TASL: variants seen among roughly 807,000 people sequenced by gnomAD.
The protein encoded by TASL is TLR adapter interacting with SLC15A4 on the lysosome.
Under a neutral mutation model 12.9 loss-of-function variants are expected in TASL, and 6 were observed. The ratio of observed to expected loss-of-function variants is 0.46; its 90% CI spans 0.25 to 0.92. The LOEUF is 0.92. Ranked by LOEUF, TASL falls within the 40% of genes least tolerant of loss-of-function variation. The pLI is 0.17. For synonymous variants in TASL, 85 were observed against 79.3 expected, an observed-to-expected ratio of 1.07 and a Z score of -0.38; for missense variants, 165 against 212.8, an observed-to-expected ratio of 0.78 and a Z score of 1.40.
chrX:30,565,840 G>A (rs764904750), intron 2 of TASL, among the ~76,000 whole-genome samples: 2 of 108,655 alleles, frequency 1.8e-5, no homozygotes, highest in South Asian at 8.0e-4. Context: ...GTGTGATCTC[G>A]GCTCACTGTA....
intron 2 of TASL, among the ~76,000 whole-genome samples, chrX:30,563,447 T>A (rs1930456884): frequency 8.9e-6 from 1 of 112,369 alleles, no homozygotes; most frequent in Admixed American, 9.4e-5. Context: ...TGACTTAAAT[T>A]CCCCTAAATG....
intron 2 of TASL, among the ~76,000 whole-genome samples, chrX:30,565,963 G>T (rs1930491773): frequency 9.2e-6 from 1 of 108,547 alleles, no homozygotes. Flanking sequence ...TAGAGATGAG[G>T]TTTCACCATG....
At chrX:30,569,353 A>G (rs956947677) in intron 2 of TASL, among the ~76,000 whole-genome samples, 1 of 110,964 alleles carries the variant, frequency 9.0e-6, no homozygotes, top group Non-Finnish European at 1.9e-5. Context: ...GAGTGTGGGT[A>G]TGTAGGGGAA....
At position 30,559,900 on chromosome X, in the gene TASL, A is replaced by G; in HGVS notation, c.456T>C (p.Tyr152=). The change falls in exon 3 of 3, where the codon TAT becomes TAC. Residue 152 remains tyrosine, a synonymous_variant. Coordinates refer to ENST00000378962, the MANE Select transcript of TASL (RefSeq NM_025159.3). ...TDFPSESSFE[Y]GPLLKSSEIP... ...TCTCAGATGACTTCAGCAAAGGGCCATATTCAAAACTGCTCTCAGAGGGAA... is the reference window on the plus strand; with the variant it reads ...TCTCAGATGACTTCAGCAAAGGGCCGTATTCAAAACTGCTCTCAGAGGGAA... The G allele has an allele frequency of 8.3e-7, 1 of 1,211,874 alleles. No homozygotes were observed. The highest frequency in any genetic ancestry group is 1.1e-6 in the Non-Finnish European group (1 of 895,384).
rs1346833984 is a variant in TASL at position 30,560,056 on chromosome X, A to T, written c.300T>A (p.Val100=). ...PVFESPNLAA[V]EICRDASRET... ...CTCTGCTGGCATCTCTACATATTTC[A>T]ACTGCAGCCAAGTTTGGGCTTTCAA... The change falls in exon 3 of 3, where the codon GTT becomes GTA. Residue 100 remains valine (V), a synonymous_variant. Transcript: ENST00000378962. 1 of 1,211,470 alleles carries T rather than the reference A, an allele frequency of 8.3e-7. No individual in the cohort carries two copies. The highest frequency in any genetic ancestry group is 3.0e-5 in the East Asian group (1 of 33,848).
intron 2 of TASL, among the ~76,000 whole-genome samples, chrX:30,567,244 C>T (rs1023569617): frequency 9.5e-6 from 1 of 104,732 alleles, no homozygotes; most frequent in Non-Finnish European, 1.9e-5. Flanking sequence ...CCACTGCACT[C>T]CAGGCTGGGC....
intron 2 of TASL, among the ~76,000 whole-genome samples, chrX:30,562,540 A>G (rs1425363205): frequency 9.0e-6 from 1 of 111,602 alleles, no homozygotes; most frequent in Non-Finnish European, 1.9e-5. Context: ...ATAGACTACA[A>G]ACCAGGGACC....
At position 30,559,955 on chromosome X, in the gene TASL, A is replaced by G; in HGVS notation, c.401T>C (p.Val134Ala). The G allele has an allele frequency of 8.3e-7, 1 of 1,210,908 alleles. No homozygotes were observed. Among genetic ancestry groups the G allele is most frequent in the Non-Finnish European group, 1.1e-6 (1 of 894,932 alleles). The change falls in exon 3 of 3, where the codon GTG becomes GCG. Residue 134 changes from valine to alanine, a missense_variant. Transcript: ENST00000378962. Reference protein sequence around the residue: ...YNDLQIAGGQVMAINSVTTDF... With the variant: ...YNDLQIAGGQAMAINSVTTDF... ...TGTTGTCACTGAATTAATGGCCATC[A>G]CCTGGCCCCCTGCAATCTGTAAGTC...
At chrX:30,571,656 A>G (rs1930629630) in intron 2 of TASL, among the ~76,000 whole-genome samples, 1 of 109,766 alleles carries the variant, frequency 9.1e-6, no homozygotes, top group Non-Finnish European at 1.9e-5. Context: ...GCATTACTGC[A>G]CCCTTTAATG....
At chrX:30,564,702 A>AT (rs766208128) in intron 2 of TASL, among the ~76,000 whole-genome samples, 1 of 112,208 alleles carries the variant, frequency 8.9e-6, no homozygotes, top group Admixed American at 9.5e-5. Context: ...CAAATAGCTG[A>AT]TTTTCCAAGC....
intron 2 of TASL, among the ~76,000 whole-genome samples, chrX:30,563,166 GT>G (rs772168387): frequency 5.3e-4 from 59 of 111,243 alleles, no homozygotes; most frequent in Middle Eastern, 4.6e-3. Context: ...CATGGAGGTG[GT>G]TTCCCCCATC....
intron 2 of TASL, among the ~76,000 whole-genome samples, chrX:30,561,564 G>A (rs1159483643): frequency 9.0e-6 from 1 of 111,596 alleles, no homozygotes; most frequent in African/African-American, 3.3e-5. Flanking sequence ...AAGAAAAGAA[G>A]GATTTTTTTA....
At chrX:30,575,182 A>G (rs1930688374) in intron 2 of TASL, among the ~76,000 whole-genome samples, 1 of 111,542 alleles carries the variant, frequency 9.0e-6, no homozygotes, top group East Asian at 2.8e-4. Flanking sequence ...CCATAATTCC[A>G]TTGTAAACTT....
In TASL at chrX:30,559,278, C is replaced by G. The variant is rs1930382002; in HGVS notation, c.*172G>C. On this transcript the variant is annotated 3_prime_UTR_variant, in exon 3 of 3. Coordinates refer to ENST00000378962, the MANE Select transcript of TASL (RefSeq NM_025159.3). ...GGCTCCTCTTACCATATTCCTTCAT[C>G]AAGTGTAATATTATGAGATTTCTCC... 1 of 396,622 alleles carries G rather than the reference C, an allele frequency of 2.5e-6. No homozygotes were observed. Among genetic ancestry groups the G allele is most frequent in the African/African-American group, 2.5e-5 (1 of 40,084 alleles). 32.7% of individuals were successfully genotyped at this position (396,622 alleles called of 1,213,427 possible).
At chrX:30,567,083 G>T (rs1030790389) in intron 2 of TASL, among the ~76,000 whole-genome samples, 8 of 110,580 alleles carry the variant, frequency 7.2e-5, no homozygotes, top group Non-Finnish European at 1.3e-4. Flanking sequence ...AAACCCAGGA[G>T]TTTGAGACCA....
At chrX:30,568,585 G>A (rs932390654) in intron 2 of TASL, among the ~76,000 whole-genome samples, 6 of 110,702 alleles carry the variant, frequency 5.4e-5, no homozygotes, top group South Asian at 3.9e-4. Context: ...CCAGTTTGCC[G>A]AATCCCCCCT....
At chrX:30,564,899 T>G (rs1459857345) in intron 2 of TASL, among the ~76,000 whole-genome samples, 1 of 111,900 alleles carries the variant, frequency 8.9e-6, no homozygotes, top group Non-Finnish European at 1.9e-5. Context: ...CTGGCCCTCC[T>G]TAAGTTGCAC....
intron 2 of TASL, among the ~76,000 whole-genome samples, chrX:30,566,695 G>C (rs980569812): frequency 1.2e-4 from 13 of 111,731 alleles, no homozygotes; most frequent in African/African-American, 4.2e-4. Flanking sequence ...TGGAATGCCT[G>C]TGTGAATTGT....
chrX:30,560,049 A>G lies in TASL; in HGVS notation c.307T>C (p.Cys103Arg), dbSNP rs1315983601. Residue 103 changes from cysteine (C) to arginine (R), a missense_variant, in exon 3 of 3, where the codon TGT becomes CGT. Cys to Arg is a radical substitution (Grantham distance 180, BLOSUM62 -3). Transcript: ENST00000378962. ...ESPNLAAVEI[C>R]RDASRETYLV... Reference sequence around the variant, plus strand: ...TAGGTCTCTCTGCTGGCATCTCTACATATTTCAACTGCAGCCAAGTTTGGG... The same window carrying G: ...TAGGTCTCTCTGCTGGCATCTCTACGTATTTCAACTGCAGCCAAGTTTGGG... The G allele has an allele frequency of 2.5e-6, 3 of 1,211,547 alleles. No homozygotes were observed. The highest frequency in any genetic ancestry group is 3.4e-6 in the Non-Finnish European group (3 of 895,336).
Sources: allele counts gnomAD v4.1 joint callset (sites outside exome capture counted in the v4.1 genomes callset), GRCh38; gene constraint gnomAD v4.1.1; transcripts MANE v1.5; gene names NCBI Gene and HGNC (gene_info 2026-07-23, HGNC 2026-07-21).